KLF12: variants seen among roughly 807,000 people sequenced by gnomAD.
KLF12 encodes KLF transcription factor 12.
KLF12 carries 9 observed loss-of-function variants against 37.8 expected under a neutral mutation model. That is an observed-to-expected ratio of 0.24 (90% CI 0.14 to 0.42). The LOEUF (loss-of-function observed/expected upper bound fraction) is 0.42, where lower values mean the gene tolerates loss of function less well. Among genes scored for constraint, KLF12 ranks in the 10% least tolerant of loss-of-function variants. The pLI is 1.00. For synonymous variants in KLF12, 208 were observed against 202.1 expected (o/e 1.03, Z -0.25); for missense variants, 411 against 516.0 (o/e 0.80, Z 1.97).
At chr13:73,711,741 C>T (rs1391075614) in intron 7 of KLF12, among the ~76,000 whole-genome samples, 1 of 152,170 alleles carries the variant, frequency 6.6e-6, no homozygotes, top group African/African-American at 2.4e-5. Context: ...CATTCTTCAG[C>T]CCACGGATCA....
At chr13:74,273,147 G>A in the KLF12 span, among the ~76,000 whole-genome samples, 1 of 151,980 alleles carries the variant, frequency 6.6e-6, no homozygotes, top group East Asian at 1.9e-4. Flanking sequence ...AGAAATAATC[G>A]TGAAGAAGTC....
upstream of KLF12, among the ~76,000 whole-genome samples, chr13:74,137,069 T>C (rs1878584472): frequency 6.6e-6 from 1 of 152,240 alleles, no homozygotes; most frequent in Non-Finnish European, 1.5e-5. Context: ...CATGTAATTC[T>C]ATCTCCATAT....
At chr13:73,712,160 G>T (rs1293589919) in intron 7 of KLF12, among the ~76,000 whole-genome samples, 1 of 151,978 alleles carries the variant, frequency 6.6e-6, no homozygotes, top group East Asian at 1.9e-4. Context: ...CCAACATGAA[G>T]AAACCCTGTC....
chr13:73,960,425 TTAAAA>T (rs1267851506), intron 2 of KLF12: 4 of 264,700 alleles, frequency 1.5e-5, no homozygotes, highest in Admixed American at 1.4e-4. Context: ...ATCTATACAA[TTAAAA>T]TAAATGCTTG....
chr13:74,019,722 T>C (rs1029888512), intron 1 of KLF12, among the ~76,000 whole-genome samples: 6 of 152,230 alleles, frequency 3.9e-5, no homozygotes, highest in African/African-American at 1.4e-4. Flanking sequence ...AATGTACTCC[T>C]TTATTTCCTC....
intron 6 of KLF12, among the ~76,000 whole-genome samples, chr13:73,729,072 T>C (rs903489428): frequency 1.3e-5 from 2 of 152,226 alleles, no homozygotes; most frequent in Non-Finnish European, 2.9e-5. Context: ...AGCTGCTCTT[T>C]ATTATATTTT....
intron 7 of KLF12, among the ~76,000 whole-genome samples, chr13:73,703,377 AAC>A (rs770797617): frequency 3.4e-4 from 52 of 152,252 alleles, no homozygotes; most frequent in Non-Finnish European, 6.2e-4. Context: ...CGATTTTCTT[AAC>A]ATTTTAAAGT....
chr13:74,139,448 C>T, the KLF12 span, among the ~76,000 whole-genome samples: 1 of 152,126 alleles, frequency 6.6e-6, no homozygotes, highest in South Asian at 2.1e-4. Flanking sequence ...TAGCAGAAAA[C>T]TTGAGTTTCC....
intron 3 of KLF12, among the ~76,000 whole-genome samples, chr13:73,912,546 A>T (rs760071492): frequency 7.9e-5 from 12 of 152,110 alleles, no homozygotes; most frequent in Admixed American, 1.3e-4. Flanking sequence ...ACACATCTAC[A>T]AACTAAGGGA....
intron 2 of KLF12, among the ~76,000 whole-genome samples, chr13:73,958,256 T>C (rs78674896): frequency 6.6e-6 from 1 of 152,122 alleles, no homozygotes; most frequent in Admixed American, 6.6e-5. Flanking sequence ...TTTTTTTTTT[T>C]CTTTTGAGAC....
At chr13:74,015,414 T>A (rs1244949350) in intron 1 of KLF12, among the ~76,000 whole-genome samples, 1 of 152,128 alleles carries the variant, frequency 6.6e-6, no homozygotes, top group Non-Finnish European at 1.5e-5. Context: ...TTAAACGAAA[T>A]AATGCGAGTG....
Position 74,073,991 on chromosome 13 carries a change from A to G in KLF12, c.-32+59748T>C, listed in dbSNP as rs528393774. 2.0e-5 allele frequency among the ~76,000 whole-genome samples: 3 copies of G among 152,340 alleles called. 1 individual carries two copies. In the East Asian group the frequency reaches 5.8e-4, roughly 29 times the overall value. On this transcript the variant is annotated intron_variant, in intron 1 of 7. Transcript: ENST00000377669. Reference sequence around the variant, plus strand: ...TATTTTCAATAGAAGCACTGCAGAAATATACATAACCCAGCAATCTATACC... The same window carrying G: ...TATTTTCAATAGAAGCACTGCAGAAGTATACATAACCCAGCAATCTATACC...
At chr13:74,269,717 C>T in the KLF12 span, among the ~76,000 whole-genome samples, 1 of 152,064 alleles carries the variant, frequency 6.6e-6, no homozygotes, top group African/African-American at 2.4e-5. Context: ...GATAGGAATT[C>T]TATTATTTCA....
chr13:74,267,087 A>C, the KLF12 span, among the ~76,000 whole-genome samples: 2 of 152,344 alleles, frequency 1.3e-5, no homozygotes, highest in East Asian at 3.9e-4. Context: ...TCATACTTGC[A>C]TAATGATCTC....
the KLF12 span, among the ~76,000 whole-genome samples, chr13:74,290,880 A>G: frequency 6.6e-6 from 1 of 152,376 alleles, no homozygotes; most frequent in East Asian, 1.9e-4. Flanking sequence ...CAACATAGGA[A>G]AAGTCTGTTT....
intron 4 of KLF12, 115 bp downstream of exon 4, chr13:73,845,712 C>T: frequency 1.1e-6 from 1 of 886,032 alleles, no homozygotes. Context: ...CTCCACGTTG[C>T]TCTACACAGA....
intron 2 of KLF12, among the ~76,000 whole-genome samples, chr13:73,990,970 G>T (rs968360588): frequency 6.6e-6 from 1 of 152,092 alleles, no homozygotes; most frequent in South Asian, 2.1e-4. Flanking sequence ...ATGGGGCTTT[G>T]CATGCTTTAA....
At chr13:73,841,373 A>G (rs925849758) in intron 4 of KLF12, among the ~76,000 whole-genome samples, 5 of 152,190 alleles carry the variant, frequency 3.3e-5, no homozygotes, top group Non-Finnish European at 7.3e-5. Context: ...CACATAAAAT[A>G]CACTAACACT....
the KLF12 span, among the ~76,000 whole-genome samples, chr13:74,213,582 T>TCCTC: frequency 1.3e-5 from 2 of 151,304 alleles, no homozygotes; most frequent in Non-Finnish European, 3.0e-5. Flanking sequence ...TTCCCTCCTT[T>TCCTC]CCTCCCTCCC....
Sources: allele counts gnomAD v4.1 joint callset (sites outside exome capture counted in the v4.1 genomes callset), GRCh38; gene constraint gnomAD v4.1.1; transcripts MANE v1.5; gene names NCBI Gene and HGNC (gene_info 2026-07-23, HGNC 2026-07-21).